MUSK: variants seen among roughly 807,000 people sequenced by gnomAD.
MUSK encodes muscle associated receptor tyrosine kinase.
Under a neutral mutation model 88.7 loss-of-function variants are expected in MUSK, and 55 were observed. That is an observed-to-expected ratio of 0.62 (90% CI 0.50 to 0.78). MUSK has a LOEUF of 0.78. MUSK is among the 30% of genes least tolerant of loss of function. The pLI is 0.00. For missense variants in MUSK, 1,015 were observed against 1,074.3 expected (o/e 0.94, Z 0.77); for synonymous variants, 387 against 391.9 (o/e 0.99, Z 0.15).
intron 4 of MUSK, 117 bp from the exon 5 acceptor site, chr9:110,697,208 G>A (rs1325418460): frequency 3.6e-6 from 4 of 1,109,974 alleles, no homozygotes; most frequent in Non-Finnish European, 5.2e-6. Context: ...GCCAATAAAG[G>A]TCAAAGCGAT....
At chr9:110,757,560 G>A (rs932077329) in intron 7 of MUSK, among the ~76,000 whole-genome samples, 2 of 151,368 alleles carry the variant, frequency 1.3e-5, no homozygotes, top group African/African-American at 4.9e-5. Context: ...ATCACATATA[G>A]GGAATCATGA....
chr9:110,747,084 C>A (rs2077182367), intron 6 of MUSK, among the ~76,000 whole-genome samples: 1 of 152,210 alleles, frequency 6.6e-6, no homozygotes, highest in African/African-American at 2.4e-5. Flanking sequence ...AAACCAATAA[C>A]TATTAGTGCT....
chr9:110,712,392 T>C (rs1420820707), intron 5 of MUSK, among the ~76,000 whole-genome samples: 1 of 152,160 alleles, frequency 6.6e-6, no homozygotes, highest in Admixed American at 6.6e-5. Flanking sequence ...TCATTTAATT[T>C]ATGGCCATAT....
rs1386426499 is a variant in MUSK at position 110,802,155 on chromosome 9, GAATT to G, written c.*1171_*1174del. The stretch of plus-strand genomic sequence containing the variant: ...TTAGAAACAAATTCAGTTGGCTGTA[GAATT>G]AATATCGTTCTGCTTAACAACTTTG... On this transcript the variant is annotated 3_prime_UTR_variant, in exon 15 of 15. Transcript: ENST00000374448. Among the ~76,000 whole-genome samples the G allele has an allele frequency of 1.3e-5, 2 of 151,922 alleles. No homozygotes were observed. The highest frequency in any genetic ancestry group is 2.9e-5 in the Non-Finnish European group (2 of 67,996).
chr9:110,669,645 T>A (rs1214139634), intron 1 of MUSK, among the ~76,000 whole-genome samples: 1 of 152,122 alleles, frequency 6.6e-6, no homozygotes, highest in Non-Finnish European at 1.5e-5. Context: ...GAAAGCAACT[T>A]AAGAAACTGA....
At chr9:110,773,502 A>G (rs2077613007) in intron 9 of MUSK, among the ~76,000 whole-genome samples, 1 of 152,124 alleles carries the variant, frequency 6.6e-6, no homozygotes. Context: ...AGCTTATACT[A>G]TGTTACTTAT....
At chr9:110,689,935 T>TG (rs1296992966) in intron 3 of MUSK, among the ~76,000 whole-genome samples, 1,968 of 95,666 alleles carry the variant, frequency 0.021, 30 homozygotes, top group East Asian at 0.067. Flanking sequence ...ATATAATATA[T>TG]AAATATATAT....
At position 110,690,081 on chromosome 9, in the gene MUSK, T is replaced by TAAATATATATAAGTATAAATATAG. The variant is rs1564218997; in HGVS notation, c.358+2823_358+2824insAAGTATAAATATAGAAATATATAT. 3.5e-3 allele frequency among the ~76,000 whole-genome samples: 323 copies of TAAATATATATAAGTATAAATATAG among 93,302 alleles called. 3 individuals are homozygous for TAAATATATATAAGTATAAATATAG. The highest frequency in any genetic ancestry group is 0.015 in the African/African-American group (310 of 20,352). The allele number at this position is 93,302 out of a possible 152,430, so 61.2% of individuals were successfully genotyped here. ...TATATATTATGTAAGTATAAATATATAAATATATATTATATAAGTATAAAT... is the reference window on the plus strand; with the variant it reads ...TATATATTATGTAAGTATAAATATATAAATATATATAAGTATAAATATAGAAATATATATTATATAAGTATAAAT... On this transcript the variant is annotated intron_variant, in intron 3 of 14. Coordinates refer to ENST00000374448, the MANE Select transcript of MUSK (RefSeq NM_005592.4).
chr9:110,781,478 G>A (rs568349591), intron 11 of MUSK, among the ~76,000 whole-genome samples: 8 of 152,124 alleles, frequency 5.3e-5, no homozygotes, highest in South Asian at 2.1e-4. Context: ...GGGATTCACC[G>A]TGTTAGCCAG....
chr9:110,770,797 G>C (rs901101602), intron 9 of MUSK, among the ~76,000 whole-genome samples: 6 of 151,260 alleles, frequency 4.0e-5, no homozygotes, highest in African/African-American at 1.5e-4. Flanking sequence ...AGTCATTGCT[G>C]TTGTTGCAAG....
chr9:110,786,033 C>A lies in MUSK; in HGVS notation c.1778+315C>A, dbSNP rs1456188955. ...TTTTATCAAGTTAGTTAATTCTGGCCAGGTGCGGTGGCTCGTGCCTGTAAT... is the reference window on the plus strand; with the variant it reads ...TTTTATCAAGTTAGTTAATTCTGGCAAGGTGCGGTGGCTCGTGCCTGTAAT... On this transcript the variant is annotated intron_variant, in intron 13 of 14. Transcript: ENST00000374448. Among the ~76,000 whole-genome samples, 6 of 149,916 alleles carry A rather than the reference C, an allele frequency of 4.0e-5. No individual in the cohort carries two copies. The East Asian group carries it at 1.2e-3, about 29-fold the overall frequency.
At chr9:110,720,465 T>C (rs529873160) in intron 5 of MUSK, among the ~76,000 whole-genome samples, 7 of 152,162 alleles carry the variant, frequency 4.6e-5, no homozygotes, top group Non-Finnish European at 8.8e-5. Context: ...TATGAACACC[T>C]TTATGGACAT....
chr9:110,786,772 A>G (rs1216702902), intron 13 of MUSK, among the ~76,000 whole-genome samples: 1 of 152,212 alleles, frequency 6.6e-6, no homozygotes, highest in African/African-American at 2.4e-5. Flanking sequence ...GAATTGGAAT[A>G]AAATACCCTT....
intron 7 of MUSK, among the ~76,000 whole-genome samples, chr9:110,761,337 G>A (rs1468824602): frequency 6.6e-6 from 1 of 152,090 alleles, no homozygotes; most frequent in Non-Finnish European, 1.5e-5. Context: ...AGGATTTCAA[G>A]GTAGGGAGAG....
intron 9 of MUSK, among the ~76,000 whole-genome samples, chr9:110,774,578 CA>C (rs1034032089): frequency 1.3e-5 from 2 of 151,994 alleles, no homozygotes; most frequent in Non-Finnish European, 2.9e-5. Context: ...TGTCTGCGTG[CA>C]AAAAAATGTG....
chr9:110,704,289 C>A (rs1296109366), intron 5 of MUSK, among the ~76,000 whole-genome samples: 1 of 152,054 alleles, frequency 6.6e-6, no homozygotes, highest in Non-Finnish European at 1.5e-5. Context: ...TTCCATGCAG[C>A]CATTAAAAAG....
chr9:110,674,854 C>T (rs2076004099), intron 1 of MUSK, among the ~76,000 whole-genome samples: 1 of 152,054 alleles, frequency 6.6e-6, no homozygotes, highest in African/African-American at 2.4e-5. Context: ...TCAAGTGATC[C>T]TCCCACCTCG....
intron 6 of MUSK, among the ~76,000 whole-genome samples, chr9:110,743,060 AT>A (rs1397871254): frequency 2.0e-5 from 3 of 152,172 alleles, no homozygotes; most frequent in Non-Finnish European, 2.9e-5. Context: ...GAGCTGGGAG[AT>A]ATTTGGCACA....
chr9:110,740,017 C>A (rs540324225), intron 6 of MUSK, among the ~76,000 whole-genome samples: 4 of 152,172 alleles, frequency 2.6e-5, no homozygotes, highest in African/African-American at 9.6e-5. Flanking sequence ...ACTTTAATAT[C>A]CACATCATCC....
Sources: gnomAD v4.1 joint callset for allele counts (sites outside exome capture counted in the v4.1 genomes callset) on GRCh38, gnomAD v4.1.1 for gene constraint, MANE v1.5 for transcripts, NCBI Gene and HGNC (gene_info 2026-07-23, HGNC 2026-07-21) for gene names.